The following CCSER1 variants were observed in gnomAD, a reference collection of about 807,000 sequenced individuals.
The protein encoded by CCSER1 is serine-rich coiled-coil domain-containing protein 1.
A neutral mutation model predicts 82.0 loss-of-function variants in CCSER1; 41 were observed. The ratio of observed to expected loss-of-function variants is 0.50; its 90% CI spans 0.39 to 0.65. The LOEUF (loss-of-function observed/expected upper bound fraction) is 0.65, where lower values mean the gene tolerates loss of function less well. Among genes scored for constraint, CCSER1 ranks in the 30% least tolerant of loss-of-function variants. The pLI is 0.00. For synonymous variants in CCSER1, 414 were observed against 383.9 expected, an observed-to-expected ratio of 1.08 and a Z score of -0.92; for missense variants, 1,119 against 1,064.2, an observed-to-expected ratio of 1.05 and a Z score of -0.72.
At chr4:90,660,039 A>G (rs1342322794) in intron 6 of CCSER1, among the ~76,000 whole-genome samples, 2 of 152,018 alleles carry the variant, frequency 1.3e-5, no homozygotes, top group Non-Finnish European at 2.9e-5. Flanking sequence ...ATAGATGTTA[A>G]TGAAGATTCA....
intron 10 of CCSER1, among the ~76,000 whole-genome samples, chr4:91,468,688 C>A (rs1578541214): frequency 6.6e-6 from 1 of 151,910 alleles, no homozygotes; most frequent in East Asian, 1.9e-4. Context: ...TTAGAGTTAA[C>A]ATTAATCATA....
At chr4:91,346,033 CTT>C (rs534383177) in intron 10 of CCSER1, among the ~76,000 whole-genome samples, 1 of 144,948 alleles carries the variant, frequency 6.9e-6, no homozygotes, top group East Asian at 2.0e-4. Flanking sequence ...CTTGACAGCT[CTT>C]TTTTTTTTTA....
chr4:91,034,174 T>A (rs1741233834), intron 9 of CCSER1, among the ~76,000 whole-genome samples: 1 of 152,212 alleles, frequency 6.6e-6, no homozygotes, highest in African/African-American at 2.4e-5. Flanking sequence ...GCTGTATTCA[T>A]TGCCTGGCAA....
chr4:91,254,209 A>G (rs1740494048), intron 10 of CCSER1, among the ~76,000 whole-genome samples: 1 of 152,224 alleles, frequency 6.6e-6, no homozygotes, highest in African/African-American at 2.4e-5. Flanking sequence ...AACCAAATAG[A>G]TCTAACAGAC....
At chr4:90,266,821 G>A (rs980337711) in intron 1 of CCSER1, among the ~76,000 whole-genome samples, 1 of 151,924 alleles carries the variant, frequency 6.6e-6, no homozygotes, top group Non-Finnish European at 1.5e-5. Flanking sequence ...AAACTGTCTG[G>A]GGTCCTAAAT....
At chr4:91,473,468 T>C (rs1757398775) in intron 10 of CCSER1, among the ~76,000 whole-genome samples, 1 of 152,100 alleles carries the variant, frequency 6.6e-6, no homozygotes, top group Admixed American at 6.6e-5. Flanking sequence ...CTGGGATTTC[T>C]TAGTCACAGG....
chr4:90,835,703 A>T (rs956860008), intron 8 of CCSER1, among the ~76,000 whole-genome samples: 1 of 152,200 alleles, frequency 6.6e-6, no homozygotes, highest in Non-Finnish European at 1.5e-5. Flanking sequence ...CCAAGATGAC[A>T]GCTTAGGGAA....
At chr4:90,484,819 G>A (rs1766728526) in intron 5 of CCSER1, among the ~76,000 whole-genome samples, 1 of 152,212 alleles carries the variant, frequency 6.6e-6, no homozygotes, top group African/African-American at 2.4e-5. Context: ...GCTACTCGGG[G>A]GTTAGGGACC....
chr4:90,672,460 CTTG>C (rs1308567386), intron 6 of CCSER1, among the ~76,000 whole-genome samples: 1 of 151,958 alleles, frequency 6.6e-6, no homozygotes, highest in Non-Finnish European at 1.5e-5. Flanking sequence ...GATTAAGGGC[CTTG>C]TTGTGGATTA....
At chr4:90,864,313 C>G (rs918483240) in intron 8 of CCSER1, among the ~76,000 whole-genome samples, 1 of 151,916 alleles carries the variant, frequency 6.6e-6, no homozygotes, top group Non-Finnish European at 1.5e-5. Flanking sequence ...TTGAAAGTGT[C>G]CCCCAAAGTT....
intron 9 of CCSER1, among the ~76,000 whole-genome samples, chr4:91,069,130 C>T (rs766681874): frequency 2.3e-4 from 35 of 151,604 alleles, no homozygotes; most frequent in South Asian, 6.3e-4. Context: ...GCTGAGATCG[C>T]GCCACTGCAC....
Position 90,141,485 on chromosome 4 carries a change from T to C in CCSER1, c.-42+13654T>C, listed in dbSNP as rs1724783842. On this transcript the variant is annotated intron_variant, in intron 1 of 10. Coordinates refer to ENST00000509176, the MANE Select transcript of CCSER1 (RefSeq NM_001145065.2). ...ACATTTTCTTTGGTCAGAGATATTT[T>C]AGCATTGGTTAGTTATTGGTATACA... is the stretch of plus-strand genomic sequence containing the variant. Among the ~76,000 whole-genome samples, 4 of 152,256 alleles carry C rather than the reference T, an allele frequency of 2.6e-5. No individual in the cohort carries two copies. In the South Asian group the frequency reaches 8.3e-4, roughly 32 times the overall value.
At chr4:90,451,735 A>G (rs981785123) in intron 4 of CCSER1, among the ~76,000 whole-genome samples, 2 of 152,174 alleles carry the variant, frequency 1.3e-5, no homozygotes, top group African/African-American at 4.8e-5. Flanking sequence ...GAGGGCTTCA[A>G]GTGGATCAGA....
Position 90,308,923 on chromosome 4 carries a change from T to C in CCSER1, c.639T>C (p.Val213=). 2 of 1,613,898 alleles carry C rather than the reference T, an allele frequency of 1.2e-6. No individual in the cohort carries two copies. The highest frequency in any genetic ancestry group is 1.7e-6 in the Non-Finnish European group (2 of 1,179,834). The change falls in exon 2 of 11, where the codon GTT becomes GTC. Residue 213 remains valine, a synonymous_variant. Coordinates refer to ENST00000509176, the MANE Select transcript of CCSER1 (RefSeq NM_001145065.2). ...LVQQSEFSLE[V]TQYQEREPVL... ...AACAGTCTGAATTCTCATTGGAAGT[T>C]ACACAGTACCAAGAGAGAGAACCTG...
intron 10 of CCSER1, among the ~76,000 whole-genome samples, chr4:91,491,242 C>T (rs1758525803): frequency 6.6e-6 from 1 of 151,834 alleles, no homozygotes; most frequent in African/African-American, 2.4e-5. Flanking sequence ...ATGGTGCTTA[C>T]ATGTAATCTA....
At chr4:90,700,592 T>G (rs1315524355) in intron 6 of CCSER1, among the ~76,000 whole-genome samples, 1 of 152,228 alleles carries the variant, frequency 6.6e-6, no homozygotes, top group East Asian at 1.9e-4. Flanking sequence ...TGAACTAGTT[T>G]ACAGTCCCAC....
At chr4:90,476,786 G>T (rs988580150) in intron 5 of CCSER1, among the ~76,000 whole-genome samples, 1 of 152,048 alleles carries the variant, frequency 6.6e-6, no homozygotes, top group Non-Finnish European at 1.5e-5. Flanking sequence ...TTGGTCCCTT[G>T]TGCAGTTACC....
At chr4:91,031,408 C>T (rs1368686827) in intron 9 of CCSER1, among the ~76,000 whole-genome samples, 1 of 152,106 alleles carries the variant, frequency 6.6e-6, no homozygotes, top group Non-Finnish European at 1.5e-5. Context: ...TGAAAATAAA[C>T]ATTTAGTTAA....
intron 10 of CCSER1, among the ~76,000 whole-genome samples, chr4:91,441,328 A>G (rs888280613): frequency 5.9e-5 from 9 of 152,230 alleles, no homozygotes; most frequent in Non-Finnish European, 1.3e-4. Flanking sequence ...ACACAAAACA[A>G]TAAATGTAAC....
Sources: allele counts gnomAD v4.1 joint callset (sites outside exome capture counted in the v4.1 genomes callset), GRCh38; gene constraint gnomAD v4.1.1; transcripts MANE v1.5; gene names NCBI Gene and HGNC (gene_info 2026-07-23, HGNC 2026-07-21).